Variants in ASB3 observed in about 807,000 individuals in gnomAD.
ASB3 encodes ankyrin repeat and SOCS box protein 3.
Under a neutral mutation model 54.5 loss-of-function variants are expected in ASB3, and 41 were observed. The observed-to-expected ratio is 0.75, with a 90% CI of 0.59 to 0.98. The LOEUF (loss-of-function observed/expected upper bound fraction) is 0.98, where lower values mean the gene tolerates loss of function less well. Among genes scored for constraint, ASB3 ranks in the 50% least tolerant of loss-of-function variants. The pLI is 0.00. For missense variants in ASB3, 733 were observed against 620.0 expected, an observed-to-expected ratio of 1.18 and a Z score of -1.94; for synonymous variants, 266 against 221.2, an observed-to-expected ratio of 1.20 and a Z score of -1.80.
intron 5 of ASB3, among the ~76,000 whole-genome samples, chr2:53,721,391 T>C (rs938599997): frequency 5.3e-5 from 4 of 76,128 alleles, no homozygotes; most frequent in Non-Finnish European, 1.0e-4. Flanking sequence ...CCATCTCTAC[T>C]AAACTACAAA....
chr2:53,709,627 G>T (rs1669979616), intron 7 of ASB3, among the ~76,000 whole-genome samples: 1 of 152,158 alleles, frequency 6.6e-6, no homozygotes, highest in East Asian at 1.9e-4. Flanking sequence ...GAATATGAAT[G>T]ATGGGTCTAT....
intron 8 of ASB3, among the ~76,000 whole-genome samples, chr2:53,698,740 C>G (rs1163273994): frequency 6.6e-6 from 1 of 152,204 alleles, no homozygotes; most frequent in African/African-American, 2.4e-5. Flanking sequence ...ATACTTCTAT[C>G]AACATTTTGG....
intron 3 of ASB3, among the ~76,000 whole-genome samples, chr2:53,734,806 A>G (rs1671522118): frequency 6.6e-6 from 1 of 152,072 alleles, no homozygotes. Context: ...TTTCTCTAAC[A>G]ACTCATTCTT....
chr2:53,774,020 C>A, intron 1 of ASB3: 1 of 1,118,820 alleles, frequency 8.9e-7, no homozygotes, highest in Non-Finnish European at 1.3e-6. Context: ...GGGCAACAGA[C>A]AAGACTTCAT....
intron 2 of ASB3, 160 bp downstream of exon 2, chr2:53,765,217 G>T: frequency 1.6e-6 from 1 of 626,388 alleles, no homozygotes; most frequent in East Asian, 1.4e-4. Flanking sequence ...TGAATCCAAG[G>T]CAGGCAATCT....
chr2:53,698,348 G>A (rs1391161853), intron 8 of ASB3, among the ~76,000 whole-genome samples: 1 of 152,152 alleles, frequency 6.6e-6, no homozygotes, highest in African/African-American at 2.4e-5. Flanking sequence ...GCAAAGGGTT[G>A]CTAGTCACAA....
Position 53,728,867 on chromosome 2 carries a change from T to C in ASB3, c.469-20A>G. The C allele has an allele frequency of 1.3e-6, 2 of 1,560,780 alleles. 1 individual carries two copies. The highest frequency in any genetic ancestry group is 4.5e-5 in the East Asian group (2 of 44,298). On this transcript the variant is annotated intron_variant, in intron 4 of 9. Coordinates refer to ENST00000263634, the MANE Select transcript of ASB3 (RefSeq NM_016115.5). ...ATTTTCCTAAAGCACAGATTCACAT[T>C]TTAAATAAGAAAAAAACAAAGAAAA...
At chr2:53,772,226 G>A (rs959926211) in intron 1 of ASB3, among the ~76,000 whole-genome samples, 3 of 152,146 alleles carry the variant, frequency 2.0e-5, no homozygotes, top group East Asian at 1.9e-4. Flanking sequence ...CCAGGCTGGA[G>A]TGCAGTGGCG....
At chr2:53,747,185 A>G (rs1672272445) in intron 3 of ASB3, among the ~76,000 whole-genome samples, 1 of 152,216 alleles carries the variant, frequency 6.6e-6, no homozygotes, top group Non-Finnish European at 1.5e-5. Context: ...TGTGGCCAGA[A>G]TAGCATTTCT....
At chr2:53,783,843 G>A (rs988838643) in intron 1 of ASB3, among the ~76,000 whole-genome samples, 1 of 152,188 alleles carries the variant, frequency 6.6e-6, no homozygotes, top group Non-Finnish European at 1.5e-5. Flanking sequence ...AAAATTGCTT[G>A]AAATTAGTTA....
intron 1 of ASB3, among the ~76,000 whole-genome samples, chr2:53,782,995 A>T (rs367863445): frequency 6.6e-6 from 1 of 152,096 alleles, no homozygotes; most frequent in Non-Finnish European, 1.5e-5. Flanking sequence ...CATGTTGGCC[A>T]GGCTGGTCTT....
At chr2:53,773,510 C>T (rs1674092601) in intron 1 of ASB3, among the ~76,000 whole-genome samples, 1 of 151,982 alleles carries the variant, frequency 6.6e-6, no homozygotes, top group African/African-American at 2.4e-5. Context: ...GGCTCACTGC[C>T]ACCTCTGCCA....
intron 8 of ASB3, among the ~76,000 whole-genome samples, chr2:53,698,718 C>A (rs1209351755): frequency 6.6e-6 from 1 of 152,200 alleles, no homozygotes; most frequent in Non-Finnish European, 1.5e-5. Flanking sequence ...GTCATAATGG[C>A]CTTTGCTATC....
intron 6 of ASB3, among the ~76,000 whole-genome samples, chr2:53,716,148 A>C (rs947117081): frequency 6.6e-6 from 1 of 152,188 alleles, no homozygotes; most frequent in African/African-American, 2.4e-5. Flanking sequence ...TAAGACAGGG[A>C]GGACTACTTA....
At chr2:53,755,802 C>T (rs1055970849) in intron 2 of ASB3, among the ~76,000 whole-genome samples, 4 of 152,030 alleles carry the variant, frequency 2.6e-5, no homozygotes, top group African/African-American at 9.7e-5. Context: ...GAGAAAATAC[C>T]CGAAACACAT....
At chr2:53,710,970 CA>C (rs36014909) in intron 7 of ASB3, among the ~76,000 whole-genome samples, 70,545 of 147,104 alleles carry the variant, frequency 0.48, 16,865 homozygotes, top group East Asian at 0.64. Context: ...ACAAAAAATA[CA>C]AAAAAAAAAA....
chr2:53,744,462 A>G (rs1672119663), intron 3 of ASB3, among the ~76,000 whole-genome samples: 1 of 151,928 alleles, frequency 6.6e-6, no homozygotes, highest in African/African-American at 2.4e-5. Context: ...TAAAACTAAA[A>G]AAACAAACAA....
intron 2 of ASB3, among the ~76,000 whole-genome samples, chr2:53,764,258 G>A (rs941804328): frequency 2.6e-5 from 4 of 152,072 alleles, no homozygotes; most frequent in Admixed American, 1.3e-4. Flanking sequence ...ACAATGCAGA[G>A]TATTATAGTC....
chr2:53,695,243 G>A (rs1487558274), intron 8 of ASB3, among the ~76,000 whole-genome samples: 1 of 152,070 alleles, frequency 6.6e-6, no homozygotes, highest in African/African-American at 2.4e-5. Context: ...TGAAATGATG[G>A]ACTAAAGATT....
Sources: allele counts gnomAD v4.1 joint callset (sites outside exome capture counted in the v4.1 genomes callset), GRCh38; gene constraint gnomAD v4.1.1; transcripts MANE v1.5; gene names NCBI Gene and HGNC (gene_info 2026-07-23, HGNC 2026-07-21).